The following TRIM72 variants were observed in gnomAD, a reference collection of about 807,000 sequenced individuals.
TRIM72 encodes the protein tripartite motif containing 72, also known as tripartite motif-containing protein 72.
TRIM72 carries 33 observed loss-of-function variants against 31.6 expected under a neutral mutation model. That is an observed-to-expected ratio of 1.04 (90% CI 0.79 to 1.40). TRIM72 has a LOEUF of 1.40. TRIM72 is among the 40% of genes most tolerant of loss of function. TRIM72 has a pLI of 0.00. For synonymous variants in TRIM72, 301 were observed against 314.4 expected (o/e 0.96, Z 0.45); for missense variants, 666 against 682.7 (o/e 0.98, Z 0.27).
At chr16:31,218,545 G>A (rs1442501424) in intron 2 of TRIM72, among the ~76,000 whole-genome samples, 6 of 152,122 alleles carry the variant, frequency 3.9e-5, no homozygotes, top group South Asian at 2.1e-4. Flanking sequence ...GCCAGGCGTG[G>A]TGGTGCACCA....
Position 31,224,294 on chromosome 16 carries a change from C to A in TRIM72, c.973C>A (p.Pro325Thr). The A allele has an allele frequency of 6.2e-7, 1 of 1,602,570 alleles. No homozygotes were observed. The change falls in exon 7 of 7, where the codon CCG (proline) becomes ACG (threonine). Residue 325 changes from proline to threonine, a missense_variant. Pro to Thr is a conservative substitution (Grantham distance 38). Transcript: ENST00000322122. Reference sequence around the variant, plus strand: ...GAAGGCGCCGCCGGCCGGGGAGGACCCGCGCCAGTTCGACAAGGCGGTGGC... The same window carrying A: ...GAAGGCGCCGCCGGCCGGGGAGGACACGCGCCAGTTCGACAAGGCGGTGGC... ...EQKAPPAGED[P>T]RQFDKAVAVV... is the part of the protein sequence containing the mutation.
At chr16:31,223,192 G>C (rs1338209374) in intron 6 of TRIM72, among the ~76,000 whole-genome samples, 1 of 152,182 alleles carries the variant, frequency 6.6e-6, no homozygotes, top group Non-Finnish European at 1.5e-5. Flanking sequence ...GGGACGCTGG[G>C]GCCTAGGTCT....
rs547338402 is a variant in TRIM72, at chr16:31,226,367, G to A, written c.*1612G>A. The A allele has an allele frequency of 6.6e-6, 1 of 152,326 alleles. No homozygotes were observed. Among genetic ancestry groups the A allele is most frequent in the African/African-American group, 2.4e-5 (1 of 41,566 alleles). 9.4% of individuals were successfully genotyped at this position (152,326 alleles called of 1,614,324 possible). On this transcript the variant is annotated 3_prime_UTR_variant, in exon 7 of 7. Transcript: ENST00000322122. ...CCAACACTTTGGGAGTTTGAGGCAG[G>A]AGGCTCATTTGAGGCCAGGAGTTTG...
Position 31,217,072 on chromosome 16 carries a change from C to T in TRIM72, c.390+1944C>T, listed in dbSNP as rs146708916. On this transcript the variant is annotated intron_variant, in intron 2 of 6. Coordinates refer to ENST00000322122, the MANE Select transcript of TRIM72 (RefSeq NM_001008274.4). ...TGAGCCTCCGAGGGCCTGGAGCCAT[C>T]AGGTCCTACCTTTCCTGCAGCAGGT... 2,191 of 1,570,778 alleles carry T rather than the reference C, an allele frequency of 1.4e-3. 21 individuals carry two copies. In the African/African-American group the frequency reaches 0.025, roughly 18 times the overall value.
Position 31,222,469 on chromosome 16 carries a change from G to C in TRIM72, c.741-358G>C, listed in dbSNP as rs1417346476. Reference sequence around the variant, plus strand: ...TGTAACATAAAATTGACAATTTTCAGCTTCTTCTTCTTCTTTTTTTTTTTT... The same window carrying C: ...TGTAACATAAAATTGACAATTTTCACCTTCTTCTTCTTCTTTTTTTTTTTT... On this transcript the variant is annotated intron_variant, in intron 5 of 6. Transcript: ENST00000322122. Among the ~76,000 whole-genome samples, 4 of 76,960 alleles carry C rather than the reference G, an allele frequency of 5.2e-5. No individual in the cohort carries two copies. In the East Asian group the frequency reaches 1.2e-3, roughly 24 times the overall value. 50.5% of individuals were successfully genotyped at this position (76,960 alleles called of 152,430 possible). A position where few individuals can be genotyped will look rare whatever the true frequency, so the allele number is the denominator to read the frequency against.
rs780399664 is a variant in TRIM72, at chr16:31,219,442, T to G, written c.640T>G (p.Ser214Ala). Residue 214 changes from serine to alanine, a missense_variant, in exon 4 of 7, where the codon TCT (serine) becomes GCT (alanine). By Grantham distance (99) the Ser-to-Ala change is moderately conservative. Transcript: ENST00000322122. The surrounding 1 kb of genome is among the most constrained non-coding windows in gnomAD (Gnocchi z 4.2). ...GCGCCGGGAGCTGGGGAGCCTGAAC[T>G]CTTACCTGGAGCAGCTGCGGCAGAT... ...ALRRELGSLN[S>A]YLEQLRQMEK... 7.4e-6 allele frequency: 12 copies of G among 1,612,356 alleles called. No individual in the cohort carries two copies. The highest frequency in any genetic ancestry group is 9.3e-6 in the Non-Finnish European group (11 of 1,179,516).
intron 5 of TRIM72, 105 bp downstream of exon 5, chr16:31,221,023 C>T: frequency 7.1e-7 from 1 of 1,412,252 alleles, no homozygotes; most frequent in Non-Finnish European, 1.0e-6. Flanking sequence ...ACCCGCAATT[C>T]AGTCTGCTGC....
Position 31,219,141 on chromosome 16 carries a change from G to C in TRIM72, c.437G>C (p.Arg146Pro), listed in dbSNP as rs201191466. The C allele has an allele frequency of 1.2e-6, 2 of 1,604,112 alleles. No homozygotes were observed. The highest frequency in any genetic ancestry group is 1.7e-6 in the Non-Finnish European group (2 of 1,175,316). ...QKLQLQEACM[R>P]KEKSVAVLEH... Reference sequence around the variant, plus strand: ...CTGCAGCTGCAGGAGGCATGCATGCGCAAGGAGAAGAGTGTGGCTGTGCTG... The same window carrying C: ...CTGCAGCTGCAGGAGGCATGCATGCCCAAGGAGAAGAGTGTGGCTGTGCTG... The change falls in exon 3 of 7, where the codon CGC (arginine) becomes CCC (proline). Residue 146 changes from arginine to proline, a missense_variant. Coordinates refer to ENST00000322122, the MANE Select transcript of TRIM72 (RefSeq NM_001008274.4). The surrounding 1 kb of genome is among the most constrained non-coding windows in gnomAD (Gnocchi z 4.2).
chr16:31,217,338 C>T (rs2079514959), intron 2 of TRIM72: 3 of 352,314 alleles, frequency 8.5e-6, no homozygotes, highest in Non-Finnish European at 1.6e-5. Flanking sequence ...TCAGGCACCT[C>T]CCAGCAAAGA....
At chr16:31,221,859 G>C (rs1294801181) in intron 5 of TRIM72, among the ~76,000 whole-genome samples, 1 of 151,054 alleles carries the variant, frequency 6.6e-6, no homozygotes, top group Non-Finnish European at 1.5e-5. Context: ...GCATTGTGGG[G>C]AGAAGGGCAT....
chr16:31,215,572 A>C lies in TRIM72; in HGVS notation c.390+444A>C, dbSNP rs2079504487. Among the ~76,000 whole-genome samples the C allele has an allele frequency of 6.6e-6, 1 of 151,498 alleles. No individual in the cohort carries two copies. The highest frequency in any genetic ancestry group is 1.5e-5 in the Non-Finnish European group (1 of 67,858). Reference sequence around the variant, plus strand: ...TTGGACTGGAGGCGCGGCGTTCGGGACCGAGCCAGGCGGCCGGGGCAGGGT... The same window carrying C: ...TTGGACTGGAGGCGCGGCGTTCGGGCCCGAGCCAGGCGGCCGGGGCAGGGT... On this transcript the variant is annotated intron_variant, in intron 2 of 6. Transcript: ENST00000322122. The surrounding 1 kb of genome is among the most constrained non-coding windows in gnomAD (Gnocchi z 6.3).
At chr16:31,220,462 T>TG (rs2079528615) in intron 4 of TRIM72, among the ~76,000 whole-genome samples, 3 of 109,090 alleles carry the variant, frequency 2.8e-5, no homozygotes, top group Non-Finnish European at 3.8e-5. Flanking sequence ...TTGCGTTTTT[T>TG]TTTTTTTTTT....
At chr16:31,223,028 C>G (rs1028333341) in intron 6 of TRIM72, 83 bp downstream of exon 6, 2 of 1,051,192 alleles carry the variant, frequency 1.9e-6, no homozygotes, top group Non-Finnish European at 2.8e-6. Flanking sequence ...GCCTCCCAGT[C>G]CCAACTGGGG....
rs2079530387 is a variant in TRIM72, at chr16:31,220,868, C to A, written c.718-28C>A. On this transcript the variant is annotated intron_variant, in intron 4 of 6. Coordinates refer to ENST00000322122, the MANE Select transcript of TRIM72 (RefSeq NM_001008274.4). ...TCCAGTGTCCCCACCATCGGCTTCA[C>A]CACCATTCTCTTTTTCTCTCTCTCC... 1.9e-6 allele frequency: 3 copies of A among 1,614,024 alleles called. No individual in the cohort carries two copies. In the African/African-American group the frequency reaches 4.0e-5, roughly 22 times the overall value.
chr16:31,218,592 G>T (rs1048606894), intron 2 of TRIM72, among the ~76,000 whole-genome samples: 2 of 151,980 alleles, frequency 1.3e-5, no homozygotes, highest in Non-Finnish European at 2.9e-5. Flanking sequence ...TGAGGCAGGA[G>T]AATCGCTTGA....
Position 31,224,174 on chromosome 16 carries a change from C to A in TRIM72, c.860-7C>A. On this transcript the variant is annotated splice_polypyrimidine_tract_variant and splice_region_variant and intron_variant, in intron 6 of 6. Coordinates refer to ENST00000322122, the MANE Select transcript of TRIM72 (RefSeq NM_001008274.4). ...CTAGGGTTTTCTGACCGTGTTCTCT[C>A]TGGCAGCGCTGGAGGAGCTGACCTT... is the stretch of plus-strand genomic sequence containing the variant. The A allele has an allele frequency of 6.2e-7, 1 of 1,601,118 alleles. No homozygotes were observed. Among genetic ancestry groups the A allele is most frequent in the Admixed American group, 1.7e-5 (1 of 59,928 alleles).
rs756443702 is a variant in TRIM72 at position 31,224,692 on chromosome 16, G to A, written c.1371G>A (p.Trp457Ter). ...TGTACCCCTTCTTCGACGTGTGCTG[G>A]CACGACAAGGGCAAGAATGCCCAGC... Reference protein sequence around the residue: ...RPVYPFFDVCWHDKGKNAQPL... With the variant: ...RPVYPFFDVC Residue 457 changes from tryptophan to a stop codon, truncating the protein, a stop_gained, in exon 7 of 7, where the codon TGG becomes TGA. Coordinates refer to ENST00000322122, the MANE Select transcript of TRIM72 (RefSeq NM_001008274.4). LOFTEE classifies it high-confidence loss of function. 8.4e-6 allele frequency: 13 copies of A among 1,545,658 alleles called. 1 individual carries two copies. The South Asian group carries it at 1.5e-4, about 18-fold the overall frequency.
In TRIM72 at chr16:31,219,590, A is replaced by T. The variant is rs2079525128; in HGVS notation, c.717+71A>T. 14 of 1,394,252 alleles carry T rather than the reference A, an allele frequency of 1.0e-5. No individual in the cohort carries two copies. The highest frequency in any genetic ancestry group is 1.3e-5 in the Non-Finnish European group (13 of 1,014,390). The allele number at this position is 1,394,252 out of a possible 1,614,324, so 86.4% of individuals were successfully genotyped here. ...GGCCCAGAGACCTCATCCCATTGTCAGATAGGCCCAGAGAGGGGCAGGGAT... is the reference window on the plus strand; with the variant it reads ...GGCCCAGAGACCTCATCCCATTGTCTGATAGGCCCAGAGAGGGGCAGGGAT... On this transcript the variant is annotated intron_variant, in intron 4 of 6. Coordinates refer to ENST00000322122, the MANE Select transcript of TRIM72 (RefSeq NM_001008274.4). This position sits in a 1 kb window ranked among gnomAD's most constrained non-coding sequence, Gnocchi z 4.2.
Position 31,224,696 on chromosome 16 carries a change from G to A in TRIM72, c.1375G>A (p.Asp459Asn). 1 of 1,544,034 alleles carries A rather than the reference G, an allele frequency of 6.5e-7. No individual in the cohort carries two copies. Among genetic ancestry groups the A allele is most frequent in the South Asian group, 1.2e-5 (1 of 84,772 alleles). The part of the protein sequence containing the change: ...VYPFFDVCWH[D>N]KGKNAQPLLL... The stretch of plus-strand genomic sequence containing the variant: ...CCCCTTCTTCGACGTGTGCTGGCAC[G>A]ACAAGGGCAAGAATGCCCAGCCGCT... Residue 459 changes from aspartate (D) to asparagine (N), a missense_variant, in exon 7 of 7, where the codon GAC becomes AAC. Coordinates refer to ENST00000322122, the MANE Select transcript of TRIM72 (RefSeq NM_001008274.4).
Sources: allele counts gnomAD v4.1 joint callset (sites outside exome capture counted in the v4.1 genomes callset), GRCh38; gene constraint gnomAD v4.1.1; non-coding constraint Gnocchi (gnomAD v3.1); transcripts MANE v1.5; gene names NCBI Gene and HGNC (gene_info 2026-07-23, HGNC 2026-07-21).